Variants in TENM4 observed in about 807,000 individuals in gnomAD.
TENM4 encodes the protein teneurin transmembrane protein 4.
TENM4 carries 82 observed loss-of-function variants against 243.3 expected under a neutral mutation model. That is an observed-to-expected ratio of 0.34 (90% confidence interval 0.28 to 0.40). TENM4 has a LOEUF of 0.40. TENM4 is among the 10% of genes least tolerant of loss of function. TENM4 has a pLI of 1.00. For missense variants in TENM4, 3,138 were observed against 3,673.3 expected (o/e 0.85, Z 3.77); for synonymous variants, 1,412 against 1,456.3 (o/e 0.97, Z 0.69).
chr11:79,403,217 G>A (rs768450366), intron 1 of TENM4, among the ~76,000 whole-genome samples: 3 of 152,116 alleles, frequency 2.0e-5, no homozygotes, highest in Non-Finnish European at 4.4e-5. Context: ...ACTAACCAAC[G>A]ATTCTCCCAT....
intron 6 of TENM4, among the ~76,000 whole-genome samples, chr11:79,006,780 A>G (rs1274257554): frequency 6.6e-6 from 1 of 152,250 alleles, no homozygotes; most frequent in Non-Finnish European, 1.5e-5. Context: ...TTTTCTTAGA[A>G]GCTTAAAAGA....
At chr11:79,211,335 T>C (rs1427971669) in intron 3 of TENM4, among the ~76,000 whole-genome samples, 1 of 152,222 alleles carries the variant, frequency 6.6e-6, no homozygotes, top group African/African-American at 2.4e-5. Context: ...TTCTCTTTAC[T>C]AGATTCACGG....
intron 14 of TENM4, 136 bp downstream of exon 14, chr11:78,811,986 G>T: frequency 9.5e-7 from 1 of 1,050,524 alleles, no homozygotes; most frequent in Non-Finnish European, 1.3e-6. Context: ...TTGCTGGTGG[G>T]TGGGCTCCTG....
intron 12 of TENM4, among the ~76,000 whole-genome samples, chr11:78,847,969 T>A (rs1458285880): frequency 6.6e-6 from 1 of 152,170 alleles, no homozygotes; most frequent in Non-Finnish European, 1.5e-5. Context: ...CACAGGCCAG[T>A]GTTCTTTGGA....
intron 30 of TENM4, among the ~76,000 whole-genome samples, chr11:78,673,698 G>C (rs1858393383): frequency 6.6e-6 from 1 of 152,200 alleles, no homozygotes; most frequent in South Asian, 2.1e-4. Context: ...GCACATAGAA[G>C]GTACTGAATA....
At chr11:79,032,456 G>A (rs35860135) in intron 6 of TENM4, among the ~76,000 whole-genome samples, 13,123 of 152,218 alleles carry the variant, frequency 0.086, 729 homozygotes, top group Non-Finnish European at 0.12. Context: ...ACAGATCTCC[G>A]GACTGCCAGC....
At chr11:79,311,065 A>G (rs1348654715) in intron 1 of TENM4, among the ~76,000 whole-genome samples, 1 of 152,200 alleles carries the variant, frequency 6.6e-6, no homozygotes, top group Non-Finnish European at 1.5e-5. Context: ...AACGATTCAA[A>G]TAGCAGCAAG....
At chr11:79,111,517 T>G (rs763736409) in intron 4 of TENM4, among the ~76,000 whole-genome samples, 1 of 152,044 alleles carries the variant, frequency 6.6e-6, no homozygotes, top group African/African-American at 2.4e-5. Context: ...TGCACTCCAG[T>G]CTGGGCAACA....
intron 2 of TENM4, among the ~76,000 whole-genome samples, chr11:79,255,051 T>C (rs1855676871): frequency 6.6e-6 from 1 of 152,156 alleles, no homozygotes; most frequent in Non-Finnish European, 1.5e-5. Context: ...CCACTGGGCT[T>C]GTGGGGGCAT....
chr11:78,908,875 T>C (rs1856121335), intron 6 of TENM4, among the ~76,000 whole-genome samples: 1 of 152,220 alleles, frequency 6.6e-6, no homozygotes, highest in Admixed American at 6.5e-5. Flanking sequence ...CAGCCCCTTG[T>C]TGTATGCAGG....
intron 3 of TENM4, among the ~76,000 whole-genome samples, chr11:79,166,531 T>A (rs962083937): frequency 6.6e-6 from 1 of 152,230 alleles, no homozygotes; most frequent in Admixed American, 6.5e-5. Context: ...TAAACACTTA[T>A]TGACTGCTTA....
At chr11:78,745,217 TTTTC>T (rs1191034309) in intron 19 of TENM4, among the ~76,000 whole-genome samples, 4 of 145,292 alleles carry the variant, frequency 2.8e-5, no homozygotes, top group Admixed American at 1.3e-4. Flanking sequence ...TCTTTCTTTT[TTTTC>T]TTTTTCTTTT....
intron 6 of TENM4, among the ~76,000 whole-genome samples, chr11:78,967,137 C>G (rs1170352090): frequency 6.6e-6 from 1 of 152,126 alleles, no homozygotes; most frequent in Non-Finnish European, 1.5e-5. Flanking sequence ...TGCTTCAAGC[C>G]TGCATTTGGC....
chr11:79,031,102 G>A (rs1191978439), intron 6 of TENM4, among the ~76,000 whole-genome samples: 10 of 152,232 alleles, frequency 6.6e-5, no homozygotes, highest in East Asian at 1.9e-4. Flanking sequence ...TCTTGTATCC[G>A]TAGCACCCAG....
At chr11:79,013,779 A>G (rs1858707196) in intron 6 of TENM4, among the ~76,000 whole-genome samples, 1 of 152,192 alleles carries the variant, frequency 6.6e-6, no homozygotes, top group Non-Finnish European at 1.5e-5. Flanking sequence ...TCCTAGAGGA[A>G]GTATAACAAC....
At chr11:78,897,750 T>C (rs1330289549) in intron 7 of TENM4, among the ~76,000 whole-genome samples, 1 of 152,224 alleles carries the variant, frequency 6.6e-6, no homozygotes, top group East Asian at 1.9e-4. Flanking sequence ...CCCAATTCTC[T>C]GCAACGCTCT....
At chr11:79,417,276 G>A (rs1858837581) in intron 1 of TENM4, among the ~76,000 whole-genome samples, 1 of 152,214 alleles carries the variant, frequency 6.6e-6, no homozygotes, top group South Asian at 2.1e-4. Flanking sequence ...GGGCAAGGCA[G>A]TGTAGTGCAA....
intron 4 of TENM4, among the ~76,000 whole-genome samples, chr11:79,088,502 A>G (rs920250654): frequency 6.6e-6 from 1 of 152,192 alleles, no homozygotes; most frequent in Non-Finnish European, 1.5e-5. Context: ...GCTGTGTGCC[A>G]GGCACAATTC....
chr11:78,748,427 C>T (rs1856100793), intron 19 of TENM4, among the ~76,000 whole-genome samples: 1 of 152,204 alleles, frequency 6.6e-6, no homozygotes, highest in South Asian at 2.1e-4. Context: ...AGCATGAAGC[C>T]TTACTGCACA....
Sources: allele counts gnomAD v4.1 joint callset (sites outside exome capture counted in the v4.1 genomes callset), GRCh38; gene constraint gnomAD v4.1.1; transcripts MANE v1.5; gene names NCBI Gene and HGNC (gene_info 2026-07-23, HGNC 2026-07-21).